The following IFT80 variants were observed in gnomAD, a reference collection of about 807,000 sequenced individuals.
IFT80 encodes intraflagellar transport protein 80 homolog.
Under a neutral mutation model 107.9 loss-of-function variants are expected in IFT80, and 79 were observed. The ratio of observed to expected loss-of-function variants is 0.73; its 90% CI spans 0.61 to 0.88. The LOEUF is 0.88. IFT80 is among the 40% of genes least tolerant of loss of function. The pLI is 0.00. For synonymous variants in IFT80, 299 were observed against 300.9 expected (o/e 0.99, Z 0.07); for missense variants, 797 against 914.2 (o/e 0.87, Z 1.65).
chr3:160,290,807 C>A (rs948544951), intron 12 of IFT80, among the ~76,000 whole-genome samples: 1 of 152,156 alleles, frequency 6.6e-6, no homozygotes, highest in Admixed American at 6.5e-5. Context: ...AGGTGATCCA[C>A]CTGCCTCGGC....
At chr3:160,268,056 A>G (rs1308925855) in intron 19 of IFT80, among the ~76,000 whole-genome samples, 2 of 152,196 alleles carry the variant, frequency 1.3e-5, no homozygotes, top group Non-Finnish European at 2.9e-5. Flanking sequence ...CCCTCTGTGC[A>G]TATATATTTC....
intron 8 of IFT80, among the ~76,000 whole-genome samples, chr3:160,321,933 G>A (rs534634124): frequency 6.6e-6 from 1 of 151,842 alleles, no homozygotes; most frequent in East Asian, 1.9e-4. Flanking sequence ...ATCAAGTTAG[G>A]CCAGCAGTTG....
rs371952748 is a variant in IFT80, at chr3:160,280,651, C to T, written c.1664+16G>A. The T allele has an allele frequency of 4.2e-5, 67 of 1,602,134 alleles. No individual in the cohort carries two copies. Among genetic ancestry groups the T allele is most frequent in the African/African-American group, 1.2e-4 (9 of 74,580 alleles). On this transcript the variant is annotated intron_variant, in intron 15 of 19. Transcript: ENST00000326448. ...TTATTTACTACAAAACAGAATTATACGCAGTAAAATGTTACCTTGCATCCC... is the reference window on the plus strand; with the variant it reads ...TTATTTACTACAAAACAGAATTATATGCAGTAAAATGTTACCTTGCATCCC...
chr3:160,377,645 C>A, intron 3 of IFT80, 105 bp from the exon 4 acceptor site: 1 of 601,938 alleles, frequency 1.7e-6, no homozygotes, highest in South Asian at 2.2e-5. Context: ...CAAATATTAA[C>A]ATTATAATTA....
At chr3:160,293,207 G>A (rs147657440) in intron 12 of IFT80, among the ~76,000 whole-genome samples, 277 of 152,296 alleles carry the variant, frequency 1.8e-3, no homozygotes, top group Middle Eastern at 3.4e-3. Flanking sequence ...AAAAGATGAA[G>A]CCATATATTG....
At chr3:160,340,859 C>T (rs192154368) in intron 8 of IFT80, among the ~76,000 whole-genome samples, 3 of 152,274 alleles carry the variant, frequency 2.0e-5, no homozygotes, top group Non-Finnish European at 4.4e-5. Context: ...TGGGGATTAG[C>T]ATATGGGTAT....
At chr3:160,366,265 C>T (rs1168672659) in intron 5 of IFT80, 113 bp from the exon 6 acceptor site, 1 of 751,800 alleles carries the variant, frequency 1.3e-6, no homozygotes, top group Non-Finnish European at 2.3e-6. Flanking sequence ...CATTTCATTT[C>T]TTCTCTTTTC....
At chr3:160,294,492 A>G (rs544662340) in intron 12 of IFT80, among the ~76,000 whole-genome samples, 1 of 152,366 alleles carries the variant, frequency 6.6e-6, no homozygotes, top group South Asian at 2.1e-4. Context: ...AAATGCTGGG[A>G]TTGCAGGCGT....
intron 11 of IFT80, among the ~76,000 whole-genome samples, chr3:160,302,746 CTT>C (rs1716538307): frequency 6.6e-6 from 1 of 151,890 alleles, no homozygotes; most frequent in Admixed American, 6.6e-5. Context: ...ACAAAAATGA[CTT>C]ATTTTAAAAA....
At chr3:160,301,297 T>C (rs1716406847) in intron 11 of IFT80, among the ~76,000 whole-genome samples, 1 of 151,960 alleles carries the variant, frequency 6.6e-6, no homozygotes. Flanking sequence ...CACCACCCTA[T>C]ACACTAAAAT....
At chr3:160,322,600 G>A (rs1171997611) in intron 8 of IFT80, among the ~76,000 whole-genome samples, 3 of 152,092 alleles carry the variant, frequency 2.0e-5, no homozygotes, top group Admixed American at 6.6e-5. Context: ...AGATCCCTGA[G>A]GAATCACCAC....
intron 8 of IFT80, among the ~76,000 whole-genome samples, chr3:160,347,276 C>T (rs566902472): frequency 5.9e-5 from 9 of 152,092 alleles, no homozygotes; most frequent in Non-Finnish European, 8.8e-5. Flanking sequence ...CAAAATTTAG[C>T]AGTATTTTTT....
intron 12 of IFT80, among the ~76,000 whole-genome samples, chr3:160,287,856 G>A (rs1715212508): frequency 6.6e-6 from 1 of 152,154 alleles, no homozygotes; most frequent in Non-Finnish European, 1.5e-5. Flanking sequence ...AGGAATGAAT[G>A]TGTTGGGAAA....
At chr3:160,334,166 T>G (rs1199951538) in intron 8 of IFT80, among the ~76,000 whole-genome samples, 2 of 152,182 alleles carry the variant, frequency 1.3e-5, no homozygotes, top group African/African-American at 4.8e-5. Flanking sequence ...ACTTAAAAAT[T>G]ACTGTTAATT....
intron 19 of IFT80, among the ~76,000 whole-genome samples, chr3:160,264,939 C>T (rs1396268587): frequency 2.0e-5 from 3 of 152,122 alleles, no homozygotes; most frequent in Non-Finnish European, 4.4e-5. Context: ...TACTATTCAT[C>T]CTCTAAAGCT....
At chr3:160,348,188 C>T (rs1388136618) in intron 8 of IFT80, among the ~76,000 whole-genome samples, 2 of 151,750 alleles carry the variant, frequency 1.3e-5, no homozygotes, top group African/African-American at 2.4e-5. Flanking sequence ...TGGCCATTTA[C>T]ATTTGTCTAT....
At chr3:160,316,961 C>A (rs900448434) in intron 9 of IFT80, among the ~76,000 whole-genome samples, 9 of 152,076 alleles carry the variant, frequency 5.9e-5, no homozygotes, top group African/African-American at 1.9e-4. Context: ...ACCAATAATG[C>A]CTCTAAGTCA....
chr3:160,265,652 T>C (rs1291065796), intron 19 of IFT80, among the ~76,000 whole-genome samples: 1 of 152,190 alleles, frequency 6.6e-6, no homozygotes, highest in Non-Finnish European at 1.5e-5. Flanking sequence ...CAGATTGCCA[T>C]ATTTTAAATT....
At chr3:160,365,019 A>C (rs1721771205) in intron 6 of IFT80, among the ~76,000 whole-genome samples, 1 of 152,044 alleles carries the variant, frequency 6.6e-6, no homozygotes, top group Non-Finnish European at 1.5e-5. Context: ...AAAAGAAAAA[A>C]AAACAAATTC....
Sources: allele counts gnomAD v4.1 joint callset (sites outside exome capture counted in the v4.1 genomes callset), GRCh38; gene constraint gnomAD v4.1.1; transcripts MANE v1.5; gene names NCBI Gene and HGNC (gene_info 2026-07-23, HGNC 2026-07-21).